The following OR2L13 variants were observed in gnomAD, a reference collection of about 807,000 sequenced individuals.
OR2L13 encodes the protein olfactory receptor family 2 subfamily L member 13.
Under a neutral mutation model 15.3 loss-of-function variants are expected in OR2L13, and 14 were observed. That is an observed-to-expected ratio of 0.91 (90% CI 0.60 to 1.43). The LOEUF (loss-of-function observed/expected upper bound fraction) is 1.43, where lower values mean the gene tolerates loss of function less well. OR2L13 is among the 40% of genes most tolerant of loss of function. The pLI, the probability that OR2L13 is intolerant of heterozygous loss-of-function variation, is 0.00. For synonymous variants in OR2L13, 152 were observed against 142.9 expected (o/e 1.06, Z -0.45); for missense variants, 367 against 387.9 (o/e 0.95, Z 0.45).
At chr1:247,948,786 G>A in the OR2L13 span, 2 of 1,289,572 alleles carry the variant, frequency 1.6e-6, no homozygotes, top group Admixed American at 2.1e-5. Context: ...TGCATCCCCT[G>A]CAGATAAGGG....
chr1:248,100,646 G>A (rs1664839631), exon 3 of OR2L13: 1 of 171,230 alleles, frequency 5.8e-6, no homozygotes, highest in Admixed American at 6.4e-5. Flanking sequence ...ACACAAATTT[G>A]TTAATGTTGC....
chr1:248,006,212 G>A, the OR2L13 span, among the ~76,000 whole-genome samples: 340 of 151,578 alleles, frequency 2.2e-3, no homozygotes, highest in African/African-American at 7.9e-3. Flanking sequence ...CACTGCTTGG[G>A]GTCCTGTGGT....
At chr1:248,022,847 G>T in the OR2L13 span, 1 of 1,611,994 alleles carries the variant, frequency 6.2e-7, no homozygotes, top group African/African-American at 1.3e-5. Flanking sequence ...TGGGGGCCCT[G>T]ACACGAGTGA....
the OR2L13 span, among the ~76,000 whole-genome samples, chr1:248,054,531 C>T: frequency 5.9e-5 from 9 of 151,912 alleles, no homozygotes; most frequent in Admixed American, 4.6e-4. Context: ...TTGCTTTGGG[C>T]GGTATGGCCA....
the OR2L13 span, among the ~76,000 whole-genome samples, chr1:247,979,210 C>T: frequency 6.6e-6 from 1 of 152,022 alleles, no homozygotes; most frequent in Non-Finnish European, 1.5e-5. Flanking sequence ...ATGTGCATAA[C>T]GTGCAGGTTT....
the OR2L13 span, chr1:247,965,934 A>G: frequency 6.2e-4 from 1,003 of 1,610,984 alleles, 3 homozygotes; most frequent in African/African-American, 0.012. Context: ...CTCTACTATC[A>G]TTGGTGTGTC....
the OR2L13 span, among the ~76,000 whole-genome samples, chr1:248,044,437 T>C: frequency 6.6e-6 from 1 of 152,184 alleles, no homozygotes; most frequent in African/African-American, 2.4e-5. Context: ...CCCTGTCTCA[T>C]GACGTCACCA....
At chr1:248,004,152 A>G in the OR2L13 span, 2 of 1,153,486 alleles carry the variant, frequency 1.7e-6, no homozygotes, top group Admixed American at 5.4e-5. Context: ...TTTCATTCCT[A>G]GAGTTCAGGA....
the OR2L13 span, chr1:247,966,237 A>G: frequency 1.9e-6 from 3 of 1,613,344 alleles, no homozygotes; most frequent in Non-Finnish European, 2.5e-6. Context: ...TACTGAACCC[A>G]TTTATCTACA....
chr1:248,038,716 TA>T, the OR2L13 span: 2 of 1,614,164 alleles, frequency 1.2e-6, no homozygotes, highest in Non-Finnish European at 1.7e-6. Flanking sequence ...TCTTGGATGA[TA>T]AGCTCTATCA....
At chr1:247,958,571 G>C in the OR2L13 span, among the ~76,000 whole-genome samples, 1 of 152,120 alleles carries the variant, frequency 6.6e-6, no homozygotes, top group Non-Finnish European at 1.5e-5. Context: ...TATTGTGTGG[G>C]AGTCTAAGTC....
At chr1:248,078,349 C>G in the OR2L13 span, among the ~76,000 whole-genome samples, 1 of 151,694 alleles carries the variant, frequency 6.6e-6, no homozygotes, top group Admixed American at 6.6e-5. Flanking sequence ...GGCGTGGTGA[C>G]GTAGTCCCAG....
chr1:247,995,229 G>C, the OR2L13 span, among the ~76,000 whole-genome samples: 1 of 152,180 alleles, frequency 6.6e-6, no homozygotes, highest in Non-Finnish European at 1.5e-5. Context: ...GAAGCATTCT[G>C]AATGTACTTG....
chr1:248,011,421 T>A, the OR2L13 span, among the ~76,000 whole-genome samples: 1 of 152,114 alleles, frequency 6.6e-6, no homozygotes, highest in African/African-American at 2.4e-5. Flanking sequence ...CTGACAATTA[T>A]GTGTTGTAGG....
chr1:248,039,670 CA>C, the OR2L13 span: 1 of 153,062 alleles, frequency 6.5e-6, no homozygotes, highest in Non-Finnish European at 1.5e-5. Flanking sequence ...GAAATCAAAA[CA>C]ATAAAGGTCC....
At chr1:248,014,397 A>G in the OR2L13 span, among the ~76,000 whole-genome samples, 1 of 152,246 alleles carries the variant, frequency 6.6e-6, no homozygotes, top group African/African-American at 2.4e-5. Context: ...TAGCTATGCT[A>G]TGGGTATCCA....
chr1:248,033,036 C>A, the OR2L13 span, among the ~76,000 whole-genome samples: 1 of 152,116 alleles, frequency 6.6e-6, no homozygotes, highest in Non-Finnish European at 1.5e-5. Flanking sequence ...GTTTGACTTA[C>A]AATATTTTAA....
At chr1:248,067,752 G>A in the OR2L13 span, among the ~76,000 whole-genome samples, 4 of 152,222 alleles carry the variant, frequency 2.6e-5, no homozygotes, top group African/African-American at 9.6e-5. Flanking sequence ...CGAAGAAAGG[G>A]GTGACAGACG....
chr1:247,967,321 C>T, the OR2L13 span, among the ~76,000 whole-genome samples: 6 of 151,998 alleles, frequency 3.9e-5, no homozygotes, highest in South Asian at 2.1e-4. Flanking sequence ...CTCTGCCCCT[C>T]GGGTTCAAGC....
Sources: gnomAD v4.1 joint callset for allele counts (sites outside exome capture counted in the v4.1 genomes callset) on GRCh38, gnomAD v4.1.1 for gene constraint, MANE v1.5 for transcripts, NCBI Gene and HGNC (gene_info 2026-07-23, HGNC 2026-07-21) for gene names.